The following FARSB variants were observed in gnomAD, a reference collection of about 807,000 sequenced individuals.
FARSB encodes the protein phenylalanine--tRNA ligase beta subunit.
FARSB carries 40 observed loss-of-function variants against 69.6 expected under a neutral mutation model. That is an observed-to-expected ratio of 0.57 (90% CI 0.45 to 0.75). The LOEUF is 0.75. Among genes scored for constraint, FARSB ranks in the 30% least tolerant of loss-of-function variants. The pLI, the probability that FARSB is intolerant of heterozygous loss-of-function variation, is 0.00. For synonymous variants in FARSB, 235 were observed against 247.2 expected (o/e 0.95, Z 0.46); for missense variants, 632 against 722.9 (o/e 0.87, Z 1.44).
At chr2:222,650,235 G>C (rs78153535) in intron 1 of FARSB, among the ~76,000 whole-genome samples, 4,082 of 152,310 alleles carry the variant, frequency 0.027, 185 homozygotes, top group African/African-American at 0.093. Context: ...CAGAAGATAT[G>C]ATGGAACAAG....
At chr2:222,648,852 T>G (rs754527295) in intron 1 of FARSB, 57 bp from the exon 2 acceptor site, 1 of 1,140,808 alleles carries the variant, frequency 8.8e-7, no homozygotes, top group Non-Finnish European at 1.3e-6. Flanking sequence ...AAGTGAAAAC[T>G]ACATACAAAC....
intron 5 of FARSB, 144 bp from the exon 6 acceptor site, chr2:222,634,685 G>C (rs1691533901): frequency 1.8e-6 from 1 of 553,482 alleles, no homozygotes; most frequent in Admixed American, 3.6e-5. Context: ...ATACTTCCCT[G>C]AAACAGCATA....
intron 3 of FARSB, among the ~76,000 whole-genome samples, chr2:222,642,522 C>T (rs1192133625): frequency 1.3e-5 from 2 of 152,206 alleles, no homozygotes; most frequent in African/African-American, 4.8e-5. Flanking sequence ...CAACTTTTAA[C>T]ACATCCAGTG....
Position 222,611,604 on chromosome 2 carries a change from C to T in FARSB, c.1462+2207G>A, listed in dbSNP as rs181312714. On this transcript the variant is annotated intron_variant, in intron 15 of 16. Transcript: ENST00000281828. The stretch of plus-strand genomic sequence containing the variant: ...CTGGGATTACAGGCATGAACCAACA[C>T]ACCTGGCCACCTAGGTGATTTGTTA... 1.4e-3 allele frequency among the ~76,000 whole-genome samples: 206 copies of T among 152,268 alleles called. 1 individual carries two copies. The highest frequency in any genetic ancestry group is 4.8e-3 in the African/African-American group (198 of 41,550).
At chr2:222,636,269 G>A (rs1226900427) in intron 5 of FARSB, among the ~76,000 whole-genome samples, 2 of 151,274 alleles carry the variant, frequency 1.3e-5, no homozygotes, top group African/African-American at 2.4e-5. Context: ...AGCCAGATGT[G>A]GTTGGCGGGC....
chr2:222,652,257 T>C (rs1364467671), intron 1 of FARSB, among the ~76,000 whole-genome samples: 1 of 152,150 alleles, frequency 6.6e-6, no homozygotes, highest in Admixed American at 6.5e-5. Flanking sequence ...GGGATGACAC[T>C]TCTGAGGGCC....
At chr2:222,580,393 T>C (rs1282144104) in intron 16 of FARSB, among the ~76,000 whole-genome samples, 1 of 151,898 alleles carries the variant, frequency 6.6e-6, no homozygotes, top group African/African-American at 2.4e-5. Context: ...GGCATAGTGG[T>C]TGTACACCTG....
chr2:222,598,958 CCA>C (rs1690494044), intron 16 of FARSB, among the ~76,000 whole-genome samples: 1 of 148,436 alleles, frequency 6.7e-6, no homozygotes, highest in African/African-American at 2.5e-5. Context: ...AAAAAAAGAA[CCA>C]CACACATCTT....
intron 14 of FARSB, among the ~76,000 whole-genome samples, chr2:222,616,545 C>CAAAAAAAAAAA: frequency 1.3e-5 from 1 of 74,134 alleles, no homozygotes; most frequent in Non-Finnish European, 2.4e-5. Context: ...GACTCCATCT[C>CAAAAAAAAAAA]AAAAAAAAAA....
At chr2:222,617,652 G>A (rs1015863687) in intron 14 of FARSB, among the ~76,000 whole-genome samples, 2 of 152,226 alleles carry the variant, frequency 1.3e-5, no homozygotes, top group East Asian at 1.9e-4. Flanking sequence ...GGGAGGCCAT[G>A]GTGGGTGGAT....
rs1689685888 is a variant in FARSB at position 222,569,896 on chromosome 2, G to A, written c.*1975C>T. Among the ~76,000 whole-genome samples the A allele has an allele frequency of 6.6e-6, 1 of 152,072 alleles. No homozygotes were observed. Among genetic ancestry groups the A allele is most frequent in the African/African-American group, 2.4e-5 (1 of 41,406 alleles). On this transcript the variant is annotated 3_prime_UTR_variant, in exon 17 of 17. Transcript: ENST00000281828. ...GTGAACACTTGCATAAAAATCTTTG[G>A]CCATATGGGTAAACCTAGGAATAGA...
At chr2:222,636,439 ACAC>A (rs1691584729) in intron 5 of FARSB, among the ~76,000 whole-genome samples, 1 of 151,848 alleles carries the variant, frequency 6.6e-6, no homozygotes, top group East Asian at 1.9e-4. Flanking sequence ...AACTTCCAGG[ACAC>A]CACTTCTTAA....
intron 2 of FARSB, among the ~76,000 whole-genome samples, chr2:222,648,240 T>G (rs1363002658): frequency 1.3e-5 from 2 of 152,222 alleles, no homozygotes; most frequent in Non-Finnish European, 2.9e-5. Flanking sequence ...CTTCCTCATT[T>G]TTATAAGCAA....
chr2:222,618,134 T>A (rs940910507), intron 14 of FARSB, among the ~76,000 whole-genome samples: 1 of 152,160 alleles, frequency 6.6e-6, no homozygotes, highest in Non-Finnish European at 1.5e-5. Flanking sequence ...AAAATTAGTA[T>A]AAGGATTCTT....
intron 1 of FARSB, among the ~76,000 whole-genome samples, chr2:222,651,646 T>C (rs537444656): frequency 2.0e-4 from 30 of 152,324 alleles, no homozygotes; most frequent in African/African-American, 7.0e-4. Context: ...AGAAACTCAA[T>C]ATATTTCAGA....
In FARSB at chr2:222,630,162, G is replaced by C. The variant is rs761529228; in HGVS notation, c.799C>G (p.Leu267Val). ...CTGAACATGGTGACAATAATATCAA[G>C]AACTATTTTTGCCTGCAAAGAAAAG... Reference protein sequence around the residue: ...GTDFTKAKIVLDIIVTMFSEY... With the variant: ...GTDFTKAKIVVDIIVTMFSEY... Residue 267 changes from leucine to valine, a missense_variant, in exon 9 of 17, where the codon CTT (leucine) becomes GTT (valine). Coordinates refer to ENST00000281828, the MANE Select transcript of FARSB (RefSeq NM_005687.5). The C allele has an allele frequency of 1.3e-6, 2 of 1,533,942 alleles. No homozygotes were observed. Among genetic ancestry groups the C allele is most frequent in the African/African-American group, 1.4e-5 (1 of 70,552 alleles).
chr2:222,579,936 T>A (rs144755119), intron 16 of FARSB, among the ~76,000 whole-genome samples: 1 of 152,200 alleles, frequency 6.6e-6, no homozygotes, highest in Non-Finnish European at 1.5e-5. Flanking sequence ...GATATCGTCA[T>A]TGCCATTTTA....
chr2:222,593,079 G>A (rs552284419), intron 16 of FARSB, among the ~76,000 whole-genome samples: 67 of 152,144 alleles, frequency 4.4e-4, no homozygotes, highest in Non-Finnish European at 7.2e-4. Context: ...AGCATCCATC[G>A]GGGGTCTTGG....
At chr2:222,614,306 G>C (rs1690942390) in intron 14 of FARSB, among the ~76,000 whole-genome samples, 1 of 152,060 alleles carries the variant, frequency 6.6e-6, no homozygotes, top group African/African-American at 2.4e-5. Flanking sequence ...ACAGGATGGA[G>C]TGCAATGGGC....
Sources: gnomAD v4.1 joint callset for allele counts (sites outside exome capture counted in the v4.1 genomes callset) on GRCh38, gnomAD v4.1.1 for gene constraint, MANE v1.5 for transcripts, NCBI Gene and HGNC (gene_info 2026-07-23, HGNC 2026-07-21) for gene names.